Variants in AMDHD2 observed in about 807,000 individuals in gnomAD.
AMDHD2 encodes amidohydrolase domain containing 2, also known as N-acetylglucosamine-6-phosphate deacetylase.
In AMDHD2, 24 loss-of-function variants were observed where a neutral mutation model predicts 41.8. That is an observed-to-expected ratio of 0.57 (90% confidence interval 0.42 to 0.81). The LOEUF is 0.81. Among genes scored for constraint, AMDHD2 ranks in the 30% least tolerant of loss-of-function variants. The pLI is 0.00. For missense variants in AMDHD2, 540 were observed against 588.5 expected, an observed-to-expected ratio of 0.92 and a Z score of 0.85; for synonymous variants, 332 against 255.5, an observed-to-expected ratio of 1.30 and a Z score of -2.85.
In AMDHD2 at chr16:2,520,407, G is replaced by C; in HGVS notation, c.-52G>C. 8.2e-7 allele frequency: 1 copy of C among 1,215,744 alleles called. No homozygotes were observed. Among genetic ancestry groups the C allele is most frequent in the East Asian group, 3.2e-5 (1 of 30,866 alleles). 75.3% of individuals were successfully genotyped at this position (1,215,744 alleles called of 1,614,324 possible). On this transcript the variant is annotated 5_prime_UTR_variant, in exon 1 of 11. Coordinates refer to ENST00000293971, the MANE Select transcript of AMDHD2 (RefSeq NM_001330449.2). ...CGGCTGGGGTTCGTCACTGGGCGCG[G>C]GATTTGGCCGCCGCGGGGCTCCGGA...
chr16:2,529,320 G>A (rs1311539602), intron 10 of AMDHD2, 155 bp from the exon 11 acceptor site: 3 of 1,275,596 alleles, frequency 2.4e-6, no homozygotes, highest in Non-Finnish European at 3.3e-6. Flanking sequence ...GCATTGTCCA[G>A]TACCTCTGTC....
In AMDHD2 at chr16:2,530,707, T is replaced by C. The variant is rs771840862; in HGVS notation, c.*1144T>C. 3.7e-6 allele frequency: 6 copies of C among 1,613,966 alleles called. No homozygotes were observed. Among genetic ancestry groups the C allele is most frequent in the South Asian group, 1.1e-5 (1 of 91,086 alleles). On this transcript the variant is annotated 3_prime_UTR_variant, in exon 11 of 11. Coordinates refer to ENST00000293971, the MANE Select transcript of AMDHD2 (RefSeq NM_001330449.2). ...GATAGGATGGTCTGGGCCCCACCTG[T>C]TGGAAGGGAACAGCCAGGGAAGAAC...
Position 2,528,159 on chromosome 16 carries a change from T to G in AMDHD2, c.717+11T>G, listed in dbSNP as rs763406779. 1.2e-6 allele frequency: 2 copies of G among 1,612,762 alleles called. No homozygotes were observed. The highest frequency in any genetic ancestry group is 2.2e-5 in the South Asian group (2 of 91,086). On this transcript the variant is annotated intron_variant, in intron 6 of 10. Coordinates refer to ENST00000293971, the MANE Select transcript of AMDHD2 (RefSeq NM_001330449.2). ...AACGCCATGCTGCCTGTGAGTGCTA[T>G]GGGGCCCCAGGGGCGGGGCTGGGGT...
chr16:2,531,143 G>A lies in AMDHD2; in HGVS notation c.*1580G>A. ...AGACGGGACGCCCAGTCCAGAGCTG[G>A]TGAGCCCTGGGCCAGCCTTTGGGCC... On this transcript the variant is annotated 3_prime_UTR_variant, in exon 11 of 11. Transcript: ENST00000293971. 1.3e-6 allele frequency: 2 copies of A among 1,525,408 alleles called. No homozygotes were observed. Among genetic ancestry groups the A allele is most frequent in the South Asian group, 2.5e-5 (2 of 79,432 alleles). 94.5% of individuals were successfully genotyped at this position (1,525,408 alleles called of 1,614,324 possible). A position where few individuals can be genotyped will look rare whatever the true frequency, so the allele number is the denominator to read the frequency against.
intron 10 of AMDHD2, 118 bp from the exon 11 acceptor site, chr16:2,529,357 C>G (rs1433388750): frequency 6.7e-7 from 1 of 1,483,436 alleles, no homozygotes; most frequent in East Asian, 2.3e-5. Context: ...GGGTGTCTTG[C>G]ACTAGTCGTG....
intron 3 of AMDHD2, among the ~76,000 whole-genome samples, chr16:2,524,720 G>A (rs531352331): frequency 9.9e-5 from 15 of 152,008 alleles, no homozygotes; most frequent in East Asian, 3.9e-4. Context: ...TGGAATTTGC[G>A]CCCGTAGCTC....
intron 3 of AMDHD2, among the ~76,000 whole-genome samples, chr16:2,526,134 C>T (rs1017874123): frequency 1.3e-5 from 2 of 151,968 alleles, no homozygotes; most frequent in Non-Finnish European, 2.9e-5. Context: ...GGCTCCTTTT[C>T]GAGGCTTGCC....
At chr16:2,528,785 G>T (rs920854191) in intron 9 of AMDHD2, 67 bp downstream of exon 9, 18 of 1,593,088 alleles carry the variant, frequency 1.1e-5, no homozygotes, top group Non-Finnish European at 1.5e-5. Flanking sequence ...GGGCTGGACC[G>T]GGTGCCCGGA....
At position 2,530,235 on chromosome 16, in the gene AMDHD2, CTA is replaced by C. The variant is rs1227150570; in HGVS notation, c.*674_*675del. On this transcript the variant is annotated 3_prime_UTR_variant, in exon 11 of 11. Coordinates refer to ENST00000293971, the MANE Select transcript of AMDHD2 (RefSeq NM_001330449.2). ...GTTCTGTTTTCTCTTCTCAATAACC[CTA>C]TCTCTTCACACATCCCCAGGCCCAG... 1 of 1,589,370 alleles carries C rather than the reference CTA, an allele frequency of 6.3e-7. No individual in the cohort carries two copies. The highest frequency in any genetic ancestry group is 8.6e-7 in the Non-Finnish European group (1 of 1,168,240).
chr16:2,528,063 A>G lies in AMDHD2; in HGVS notation c.632A>G (p.His211Arg). 6.2e-7 allele frequency: 1 copy of G among 1,612,810 alleles called. No homozygotes were observed. Among genetic ancestry groups the G allele is most frequent in the Non-Finnish European group, 8.5e-7 (1 of 1,179,840 alleles). The part of the protein sequence containing the change: ...TARGICVSLG[H>R]SVADLRAAED... Reference sequence around the variant, plus strand: ...AGTCTGAATCCAGGTCCCGCAGGGCACTCAGTGGCTGACCTGCGGGCGGCA... The same window carrying G: ...AGTCTGAATCCAGGTCCCGCAGGGCGCTCAGTGGCTGACCTGCGGGCGGCA... The change falls in exon 6 of 11, where the codon CAC becomes CGC. Residue 211 changes from histidine to arginine, a missense_variant. His to Arg is a conservative substitution (Grantham distance 29). Transcript: ENST00000293971.
chr16:2,523,181 T>G (rs1004785246), intron 3 of AMDHD2, among the ~76,000 whole-genome samples: 8 of 152,204 alleles, frequency 5.3e-5, no homozygotes, highest in African/African-American at 1.9e-4. Flanking sequence ...TATTTTCTTA[T>G]GGAGCCACAA....
At position 2,531,209 on chromosome 16, in the gene AMDHD2, C is replaced by CCA; in HGVS notation, c.*1646_*1647insCA. On this transcript the variant is annotated 3_prime_UTR_variant, in exon 11 of 11. Coordinates refer to ENST00000293971, the MANE Select transcript of AMDHD2 (RefSeq NM_001330449.2). The stretch of plus-strand genomic sequence containing the variant: ...ACCGGCCAGCGCCCCACCTCCCTGG[C>CCA]TGGAGGGTCGGGGAGGGGCTGGCAG... The CCA allele has an allele frequency of 8.3e-7, 1 of 1,209,576 alleles. No individual in the cohort carries two copies. Among genetic ancestry groups the CCA allele is most frequent in the Non-Finnish European group, 1.1e-6 (1 of 876,124 alleles). The allele number at this position is 1,209,576 out of a possible 1,614,324, so 74.9% of individuals were successfully genotyped here. A position where few individuals can be genotyped will look rare whatever the true frequency, so the allele number is the denominator to read the frequency against.
In AMDHD2 at chr16:2,528,223, C is replaced by A; in HGVS notation, c.718-13C>A. On this transcript the variant is annotated splice_polypyrimidine_tract_variant and intron_variant, in intron 6 of 10. Coordinates refer to ENST00000293971, the MANE Select transcript of AMDHD2 (RefSeq NM_001330449.2). The stretch of plus-strand genomic sequence containing the variant: ...GCTGTCGCTCAGCCATCCCTTCCCT[C>A]GCCCCTGCCCAGTTCCACCACCGCG... 1 of 1,611,852 alleles carries A rather than the reference C, an allele frequency of 6.2e-7. No homozygotes were observed. The highest frequency in any genetic ancestry group is 8.5e-7 in the Non-Finnish European group (1 of 1,179,804).
chr16:2,528,676 G>C lies in AMDHD2; in HGVS notation c.997G>C (p.Ala333Pro). The change falls in exon 9 of 11, where the codon GCC becomes CCC. Residue 333 changes from alanine (A) to proline (P), a missense_variant. Physicochemically the swap from Ala to Pro is conservative, Grantham distance 27. Transcript: ENST00000293971. The stretch of plus-strand genomic sequence containing the variant: ...CACCAAGACGCTGAGTGGCAGCATA[G>C]CCCCAATGGACGTCTGTGTCCGGCA... Reference protein sequence around the residue: ...AGTKTLSGSIAPMDVCVRHFL... With the variant: ...AGTKTLSGSIPPMDVCVRHFL... 3.7e-6 allele frequency: 6 copies of C among 1,612,902 alleles called. No individual in the cohort carries two copies. Among genetic ancestry groups the C allele is most frequent in the Non-Finnish European group, 5.1e-6 (6 of 1,179,974 alleles).
Position 2,527,460 on chromosome 16 carries a change from C to T in AMDHD2, c.361-101C>T. ...CAGGCGGCCGGGGCTGGGCTGGGTG[C>T]TGGGCTCTGAACTCTGACCTGAGAT... On this transcript the variant is annotated intron_variant, in intron 3 of 10. Coordinates refer to ENST00000293971, the MANE Select transcript of AMDHD2 (RefSeq NM_001330449.2). The surrounding 1 kb of genome is among the most constrained non-coding windows in gnomAD (Gnocchi z 6.1). 7.4e-7 allele frequency: 1 copy of T among 1,343,030 alleles called. No individual in the cohort carries two copies. The allele number at this position is 1,343,030 out of a possible 1,614,324, so 83.2% of individuals were successfully genotyped here.
Position 2,521,086 on chromosome 16 carries a change from C to T in AMDHD2, c.323C>T (p.Pro108Leu). ...ILSHGVTSFC[P>L]TLVTSPPEVY... ...TCGCACGGCGTCACCTCCTTCTGCC[C>T]CACCCTGGTCACTTCCCCACCGGAG... The change falls in exon 3 of 11, where the codon CCC (proline) becomes CTC (leucine). Residue 108 changes from proline (P) to leucine (L), a missense_variant. Physicochemically the swap from Pro to Leu is moderately conservative, Grantham distance 98. Transcript: ENST00000293971. 6.2e-7 allele frequency: 1 copy of T among 1,604,168 alleles called. No homozygotes were observed. Among genetic ancestry groups the T allele is most frequent in the Non-Finnish European group, 8.5e-7 (1 of 1,173,328 alleles).
rs763752753 is a variant in AMDHD2 at position 2,521,016 on chromosome 16, G to A, written c.253G>A (p.Glu85Lys). 8.8e-5 allele frequency: 142 copies of A among 1,610,380 alleles called. No individual in the cohort carries two copies. The highest frequency in any genetic ancestry group is 1.1e-4 in the Non-Finnish European group (131 of 1,177,916). Residue 85 changes from glutamate (E) to lysine (K), a missense_variant, in exon 3 of 11, where the codon GAG becomes AAG. Physicochemically the swap from Glu to Lys is moderately conservative, Grantham distance 56. Coordinates refer to ENST00000293971, the MANE Select transcript of AMDHD2 (RefSeq NM_001330449.2). ...TGGTGTTGACTTCTCTCAAGCCACG[G>A]AGGACGTGGGTTCGGGGGTTGCCCT... ...GFGVDFSQAT[E>K]DVGSGVALVA...
intron 9 of AMDHD2, 75 bp downstream of exon 9, chr16:2,528,793 G>C: frequency 1.9e-6 from 3 of 1,588,034 alleles, no homozygotes; most frequent in Non-Finnish European, 2.6e-6. Context: ...CCGGGTGCCC[G>C]GACTGTAGCC....
intron 3 of AMDHD2, among the ~76,000 whole-genome samples, chr16:2,522,766 G>A (rs1190100287): frequency 2.0e-5 from 3 of 151,998 alleles, no homozygotes; most frequent in South Asian, 2.1e-4. Flanking sequence ...CTACTGCCTC[G>A]GCCTCCCATA....
Sources: allele counts gnomAD v4.1 joint callset (sites outside exome capture counted in the v4.1 genomes callset), GRCh38; gene constraint gnomAD v4.1.1; non-coding constraint Gnocchi (gnomAD v3.1); transcripts MANE v1.5; gene names NCBI Gene and HGNC (gene_info 2026-07-23, HGNC 2026-07-21).